The following PHF21A variants were observed in gnomAD, a reference collection of about 807,000 sequenced individuals.
PHF21A encodes BHC80a.
Under a neutral mutation model 82.5 loss-of-function variants are expected in PHF21A, and 11 were observed. That is an observed-to-expected ratio of 0.13 (90% CI 0.08 to 0.22). The LOEUF is 0.22. Among genes scored for constraint, PHF21A ranks in the 10% least tolerant of loss-of-function variants. The probability of loss-of-function intolerance (pLI) is 1.00; values close to 1 mark genes in which losing one functional copy is unlikely to be tolerated. For missense variants in PHF21A, 579 were observed against 837.8 expected, an observed-to-expected ratio of 0.69 and a Z score of 3.81; for synonymous variants, 297 against 302.8, an observed-to-expected ratio of 0.98 and a Z score of 0.20.
chr11:46,063,866 T>C lies in PHF21A; in HGVS notation c.153+12888A>G, dbSNP rs1054185993. ...ATCATAGGATAAGCAGAAATCAGTTTTTATGACAGATGTTTATAAATGTTA... is the reference window on the plus strand; with the variant it reads ...ATCATAGGATAAGCAGAAATCAGTTCTTATGACAGATGTTTATAAATGTTA... On this transcript the variant is annotated intron_variant, in intron 6 of 18. Transcript: ENST00000676320. Among the ~76,000 whole-genome samples the C allele has an allele frequency of 6.6e-5, 10 of 152,298 alleles. No homozygotes were observed. In the South Asian group the frequency reaches 1.7e-3, roughly 25 times the overall value.
chr11:45,985,187 T>C (rs1177218723), intron 6 of PHF21A, among the ~76,000 whole-genome samples: 2 of 152,130 alleles, frequency 1.3e-5, no homozygotes, highest in African/African-American at 2.4e-5. Context: ...CTTTCTACCG[T>C]CTAACTAAAA....
chr11:46,113,406 TAGG>T (rs1229496276), intron 1 of PHF21A, among the ~76,000 whole-genome samples: 1 of 152,108 alleles, frequency 6.6e-6, no homozygotes, highest in African/African-American at 2.4e-5. Context: ...AAATCTTACG[TAGG>T]AGAAGCACAG....
At chr11:46,041,298 A>G (rs1418435932) in intron 6 of PHF21A, among the ~76,000 whole-genome samples, 2 of 152,224 alleles carry the variant, frequency 1.3e-5, no homozygotes, top group Non-Finnish European at 2.9e-5. Context: ...GGTGGAAAAG[A>G]TAAGTCATTA....
intron 6 of PHF21A, among the ~76,000 whole-genome samples, chr11:46,044,275 T>C (rs1049318149): frequency 6.6e-6 from 1 of 152,080 alleles, no homozygotes; most frequent in African/African-American, 2.4e-5. Context: ...GAATACATTA[T>C]TAAACCAAAT....
At chr11:45,935,408 G>A (rs2088675865) in intron 18 of PHF21A, 1 of 725,274 alleles carries the variant, frequency 1.4e-6, no homozygotes, top group African/African-American at 1.8e-5. Context: ...TCTGATTAAA[G>A]CCAAGAGGAT....
In PHF21A at chr11:46,121,211, T is replaced by TCTCTC; in HGVS notation, c.-514_-513insGAGAG. ...CTCTCTCTCTCTCTCTCTGGGCTGT[T>TCTCTC]TCTTTCCTCCTCTTCCCCAGGCAAG... On this transcript the variant is annotated 5_prime_UTR_variant, in exon 1 of 19. Coordinates refer to ENST00000676320, the MANE Select transcript of PHF21A (RefSeq NM_001352027.3). 1 of 125,040 alleles carries TCTCTC rather than the reference T, an allele frequency of 8.0e-6. No homozygotes were observed. The highest frequency in any genetic ancestry group is 1.8e-5 in the Non-Finnish European group (1 of 55,406). The allele number at this position is 125,040 out of a possible 1,614,324, so 7.7% of individuals were successfully genotyped here.
chr11:46,114,832 C>T (rs1450443990), intron 1 of PHF21A, among the ~76,000 whole-genome samples: 1 of 152,148 alleles, frequency 6.6e-6, no homozygotes, highest in African/African-American at 2.4e-5. Context: ...TGCTCCTTCT[C>T]CTCAAGTACT....
chr11:46,049,258 G>C lies in PHF21A; in HGVS notation c.153+27496C>G, dbSNP rs1339709884. On this transcript the variant is annotated intron_variant, in intron 6 of 18. Coordinates refer to ENST00000676320, the MANE Select transcript of PHF21A (RefSeq NM_001352027.3). ...AACTGTCAGAGCCAGGCTTTAAAAA[G>C]TCCTCTATCATTTCTCAAATCCTGA... 43 of 327,628 alleles carry C rather than the reference G, an allele frequency of 1.3e-4. No homozygotes were observed. In the Admixed American group the frequency reaches 1.7e-3, roughly 13 times the overall value. The allele number at this position is 327,628 out of a possible 1,614,324, so 20.3% of individuals were successfully genotyped here.
chr11:45,995,541 G>A (rs1393415282), intron 6 of PHF21A, among the ~76,000 whole-genome samples: 2 of 152,202 alleles, frequency 1.3e-5, no homozygotes, highest in African/African-American at 4.8e-5. Flanking sequence ...TGCAGGTAGA[G>A]TGAGATAGAG....
At chr11:45,938,649 A>G (rs1031258056) in intron 15 of PHF21A, among the ~76,000 whole-genome samples, 13 of 152,222 alleles carry the variant, frequency 8.5e-5, no homozygotes, top group African/African-American at 3.1e-4. Flanking sequence ...ATTAGGCACA[A>G]TAAGAGATTA....
At chr11:45,983,161 G>T (rs974134622) in intron 6 of PHF21A, among the ~76,000 whole-genome samples, 1 of 152,156 alleles carries the variant, frequency 6.6e-6, no homozygotes, top group Non-Finnish European at 1.5e-5. Flanking sequence ...AGAATCAGGA[G>T]CGTGGGAGTC....
intron 6 of PHF21A, among the ~76,000 whole-genome samples, chr11:46,029,669 C>CA (rs542384009): frequency 0.21 from 19,885 of 96,564 alleles, 1,723 homozygotes; most frequent in African/African-American, 0.32. Flanking sequence ...GCCTCCGTCT[C>CA]AAAAAAAAAA....
chr11:46,063,064 T>G (rs1005543080), intron 6 of PHF21A, among the ~76,000 whole-genome samples: 1 of 152,208 alleles, frequency 6.6e-6, no homozygotes, highest in Non-Finnish European at 1.5e-5. Flanking sequence ...TCATTTATTT[T>G]ACATTAATTA....
chr11:46,077,696 T>C (rs1465293328), intron 5 of PHF21A, among the ~76,000 whole-genome samples: 1 of 152,206 alleles, frequency 6.6e-6, no homozygotes, highest in African/African-American at 2.4e-5. Flanking sequence ...GCTTCTCCAA[T>C]GAGATCACCC....
chr11:46,098,070 C>T (rs1171999489), intron 1 of PHF21A, among the ~76,000 whole-genome samples: 1 of 152,164 alleles, frequency 6.6e-6, no homozygotes, highest in Non-Finnish European at 1.5e-5. Context: ...TCCTTCAGTA[C>T]CTAGGAAAGT....
chr11:46,035,674 G>A (rs2095984550), intron 6 of PHF21A, among the ~76,000 whole-genome samples: 1 of 152,174 alleles, frequency 6.6e-6, no homozygotes, highest in Non-Finnish European at 1.5e-5. Context: ...GGAAGAAGTA[G>A]TTTTACACTG....
chr11:46,086,150 G>A (rs1335135456), intron 3 of PHF21A, among the ~76,000 whole-genome samples: 2 of 150,654 alleles, frequency 1.3e-5, no homozygotes, highest in Admixed American at 6.6e-5. Flanking sequence ...AAAGAGTCTC[G>A]CTCTGTCGCC....
chr11:45,986,084 A>AAAACACACACACACACACACACACAC (rs1555050364), intron 6 of PHF21A, among the ~76,000 whole-genome samples: 2 of 132,202 alleles, frequency 1.5e-5, no homozygotes, highest in Non-Finnish European at 3.2e-5. Flanking sequence ...CTTCCTTCAA[A>AAAACACACACACACACACACACACAC]ACACACACAC....
At chr11:46,047,436 A>G (rs1428789858) in intron 6 of PHF21A, among the ~76,000 whole-genome samples, 3 of 152,192 alleles carry the variant, frequency 2.0e-5, no homozygotes, top group Non-Finnish European at 4.4e-5. Flanking sequence ...TATATGCCCA[A>G]GAGATAGGAA....
Sources: gnomAD v4.1 joint callset for allele counts (sites outside exome capture counted in the v4.1 genomes callset) on GRCh38, gnomAD v4.1.1 for gene constraint, MANE v1.5 for transcripts, NCBI Gene and HGNC (gene_info 2026-07-23, HGNC 2026-07-21) for gene names.